GON4L: variants seen among roughly 807,000 people sequenced by gnomAD.
GON4L encodes GON-4-like protein.
Under a neutral mutation model 211.8 loss-of-function variants are expected in GON4L, and 87 were observed. That is an observed-to-expected ratio of 0.41 (90% CI 0.35 to 0.49). The LOEUF is 0.49. Among genes scored for constraint, GON4L ranks in the 20% least tolerant of loss-of-function variants. The pLI, the probability that GON4L is intolerant of heterozygous loss-of-function variation, is 0.15. For synonymous variants in GON4L, 875 were observed against 962.6 expected (o/e 0.91, Z 1.68); for missense variants, 2,155 against 2,659.5 (o/e 0.81, Z 4.17).
intron 2 of GON4L, among the ~76,000 whole-genome samples, chr1:155,828,879 G>A (rs971227869): frequency 6.7e-6 from 1 of 148,674 alleles, no homozygotes; most frequent in Non-Finnish European, 1.5e-5. Flanking sequence ...CATATATACA[G>A]AAAATCCCTG....
intron 10 of GON4L, among the ~76,000 whole-genome samples, chr1:155,809,502 A>C (rs1667477467): frequency 6.8e-6 from 1 of 148,080 alleles, no homozygotes; most frequent in African/African-American, 2.5e-5. Context: ...ATTCCATTCA[A>C]TATTCTATTT....
At position 155,847,209 on chromosome 1, in the gene GON4L, G is replaced by A. The variant is rs147053070; in HGVS notation, c.505+6067C>T. Among the ~76,000 whole-genome samples the A allele has an allele frequency of 3.9e-5, 6 of 152,234 alleles. No homozygotes were observed. In the East Asian group the frequency reaches 9.7e-4, roughly 25 times the overall value. On this transcript the variant is annotated intron_variant, in intron 2 of 31. Coordinates refer to ENST00000368331, the MANE Select transcript of GON4L (RefSeq NM_001282860.2). ...GGACCCATAGCTCTAGCACTCTCAG[G>A]CTTGGGATCCAGGCTCCATAAATTG...
rs1457057694 is a variant in GON4L, at chr1:155,768,237, A to G, written c.2647-696T>C. 4.8e-5 allele frequency among the ~76,000 whole-genome samples: 7 copies of G among 144,746 alleles called. No homozygotes were observed. In the East Asian group the frequency reaches 1.2e-3, roughly 26 times the overall value. 95.0% of individuals were successfully genotyped at this position (144,746 alleles called of 152,430 possible). On this transcript the variant is annotated intron_variant, in intron 19 of 31. Coordinates refer to ENST00000368331, the MANE Select transcript of GON4L (RefSeq NM_001282860.2). ...AGAATTGCTTGAACCTGGGAGGTGG[A>G]GGTTGAGGTGAGCTGAGATCAGAGA...
chr1:155,846,112 C>G, intron 2 of GON4L: 1 of 230,096 alleles, frequency 4.3e-6, no homozygotes, highest in East Asian at 1.1e-4. Context: ...AGGCCTTTTA[C>G]CTGAAGACCA....
rs1668050318 is a variant in GON4L, at chr1:155,814,372, A to G, written c.1239T>C (p.Ser413=). ...TCTCCTCATCTGTTTCAGTCATCTC[A>G]GAAGACTGCCTCAATCTGGATTTCT... ...GAKKSRLRQS[S]EMTETDEESG... The change falls in exon 9 of 32, where the codon TCT becomes TCC. Residue 413 remains serine (S), a synonymous_variant. Coordinates refer to ENST00000368331, the MANE Select transcript of GON4L (RefSeq NM_001282860.2). 1.2e-6 allele frequency: 2 copies of G among 1,613,590 alleles called. No individual in the cohort carries two copies.
intron 2 of GON4L, among the ~76,000 whole-genome samples, chr1:155,831,991 G>C (rs762375686): frequency 6.6e-6 from 1 of 152,028 alleles, no homozygotes; most frequent in Non-Finnish European, 1.5e-5. Flanking sequence ...GCAGTGAGCC[G>C]AAATCACACC....
intron 11 of GON4L, among the ~76,000 whole-genome samples, chr1:155,797,154 G>A (rs147311254): frequency 0.012 from 1,753 of 151,554 alleles, 26 homozygotes; most frequent in African/African-American, 0.04. Flanking sequence ...TCGCTCTGTC[G>A]CCCAGGCTGG....
At chr1:155,769,985 C>T (rs1467693532) in intron 19 of GON4L, among the ~76,000 whole-genome samples, 1 of 115,224 alleles carries the variant, frequency 8.7e-6, no homozygotes, top group Admixed American at 1.3e-4. Flanking sequence ...GCCAAAAATT[C>T]GAGACCAGCC....
chr1:155,770,747 G>A (rs939326486), intron 19 of GON4L, among the ~76,000 whole-genome samples: 9 of 152,118 alleles, frequency 5.9e-5, no homozygotes, highest in Non-Finnish European at 1.0e-4. Flanking sequence ...TACTTGGGAC[G>A]CTGAGGCAGG....
chr1:155,794,443 T>G (rs1208985289), intron 12 of GON4L, among the ~76,000 whole-genome samples: 2 of 152,216 alleles, frequency 1.3e-5, no homozygotes, highest in Non-Finnish European at 2.9e-5. Flanking sequence ...ACCACTTCTC[T>G]GTCTTTTCAC....
chr1:155,832,310 A>G (rs1035693338), intron 2 of GON4L, among the ~76,000 whole-genome samples: 1 of 151,640 alleles, frequency 6.6e-6, no homozygotes, highest in Non-Finnish European at 1.5e-5. Context: ...AAAGAAAGAA[A>G]AAAAAAGAAA....
At chr1:155,845,666 A>G (rs1361444627) in intron 2 of GON4L, 2 of 318,746 alleles carry the variant, frequency 6.3e-6, no homozygotes, top group Non-Finnish European at 1.3e-5. Context: ...CATAGGCCCT[A>G]AACTACACAA....
Position 155,752,046 on chromosome 1 carries a change from C to T in GON4L, c.6387G>A (p.Glu2129=), listed in dbSNP as rs397485. ...SGTQAKGPEG[E]QQPKAAEATV... is the part of the protein sequence containing the mutation. ...TAGCTTCTGCGGCCTTTGGCTGCTG[C>T]TCCCCCTCTGGACCCTTGGCCTGTG... The change falls in exon 30 of 32, where the codon GAG becomes GAA. Residue 2129 remains glutamate (E), a synonymous_variant. Transcript: ENST00000368331. The T allele has an allele frequency of 4.3e-5, 69 of 1,613,452 alleles. No individual in the cohort carries two copies. The highest frequency in any genetic ancestry group is 4.1e-4 in the African/African-American group (31 of 74,756).
chr1:155,829,987 G>T (rs921114776), intron 2 of GON4L, among the ~76,000 whole-genome samples: 2 of 151,508 alleles, frequency 1.3e-5, no homozygotes, highest in South Asian at 4.2e-4. Flanking sequence ...GTCTCGCTCT[G>T]TGGGCCAGGC....
intron 23 of GON4L, among the ~76,000 whole-genome samples, chr1:155,761,930 T>C (rs1352587206): frequency 6.6e-6 from 1 of 152,216 alleles, no homozygotes; most frequent in Non-Finnish European, 1.5e-5. Flanking sequence ...CTCCCACTGA[T>C]GATGGTGGTA....
rs1244790175 is a variant in GON4L, at chr1:155,766,456, A to G, written c.3017T>C (p.Ile1006Thr). Reference sequence around the variant, plus strand: ...GGGCTGGAGAGAGGGGCTGGGTTGGATAAGGAGGGGCTTCAGGACTGATGA... The same window carrying G: ...GGGCTGGAGAGAGGGGCTGGGTTGGGTAAGGAGGGGCTTCAGGACTGATGA... ...KRSSVLKPLL[I>T]QPSPSLQPSF... Residue 1006 changes from isoleucine to threonine, a missense_variant, in exon 21 of 32, where the codon ATC becomes ACC. Coordinates refer to ENST00000368331, the MANE Select transcript of GON4L (RefSeq NM_001282860.2). The G allele has an allele frequency of 3.0e-5, 48 of 1,613,900 alleles. No homozygotes were observed. Among genetic ancestry groups the G allele is most frequent in the Non-Finnish European group, 4.1e-5 (48 of 1,179,986 alleles).
intron 24 of GON4L, 106 bp downstream of exon 24, chr1:155,760,338 G>T: frequency 1.5e-6 from 1 of 689,232 alleles, no homozygotes; most frequent in Non-Finnish European, 2.5e-6. Context: ...ATGGCTGTGT[G>T]TCTGGAAGGA....
chr1:155,772,909 A>G (rs1263572071), intron 18 of GON4L, among the ~76,000 whole-genome samples, 157 bp downstream of exon 18: 3 of 152,172 alleles, frequency 2.0e-5, no homozygotes, highest in Non-Finnish European at 4.4e-5. Flanking sequence ...TAGAACAAGC[A>G]CGTCCTAGAG....
intron 2 of GON4L, among the ~76,000 whole-genome samples, chr1:155,831,352 AG>A (rs531296893): frequency 1.5e-3 from 235 of 152,188 alleles, no homozygotes; most frequent in Non-Finnish European, 1.8e-3. Context: ...TGGGAGGCCA[AG>A]GCAGAAAGAT....
Sources: gnomAD v4.1 joint callset for allele counts (sites outside exome capture counted in the v4.1 genomes callset) on GRCh38, gnomAD v4.1.1 for gene constraint, MANE v1.5 for transcripts, NCBI Gene and HGNC (gene_info 2026-07-23, HGNC 2026-07-21) for gene names.